The following SCAI variants were observed in gnomAD, a reference collection of about 807,000 sequenced individuals.
SCAI encodes protein SCAI.
SCAI carries 24 observed loss-of-function variants against 92.2 expected under a neutral mutation model. The observed-to-expected ratio is 0.26, with a 90% CI of 0.19 to 0.37. The LOEUF (loss-of-function observed/expected upper bound fraction) is 0.37, where lower values mean the gene tolerates loss of function less well. SCAI is among the 10% of genes least tolerant of loss of function. SCAI has a pLI of 1.00. For missense variants in SCAI, 450 were observed against 736.2 expected (o/e 0.61, Z 4.50); for synonymous variants, 261 against 258.6 (o/e 1.01, Z -0.09).
At chr9:125,057,603 G>C (rs1042823135) in intron 2 of SCAI, among the ~76,000 whole-genome samples, 9 of 152,130 alleles carry the variant, frequency 5.9e-5, no homozygotes, top group African/African-American at 2.2e-4. Context: ...CATGGTTGTC[G>C]GAATATAAGC....
intron 2 of SCAI, among the ~76,000 whole-genome samples, chr9:125,084,188 T>TTTTTTTA (rs1834278764): frequency 8.1e-6 from 1 of 123,356 alleles, no homozygotes; most frequent in Non-Finnish European, 1.7e-5. Context: ...TTTTTTTTTT[T>TTTTTTTA]GAGATGGAGT....
At chr9:124,983,366 T>A (rs964070234) in intron 14 of SCAI, among the ~76,000 whole-genome samples, 2 of 152,144 alleles carry the variant, frequency 1.3e-5, no homozygotes, top group Admixed American at 1.3e-4. Flanking sequence ...TTTATTTTTA[T>A]TTTTTGAGAT....
intron 2 of SCAI, among the ~76,000 whole-genome samples, chr9:125,106,269 A>AT (rs1377647137): frequency 6.7e-6 from 1 of 148,186 alleles, no homozygotes; most frequent in Non-Finnish European, 1.5e-5. Context: ...TAAAAGCATG[A>AT]TAAAAAAAAA....
intron 2 of SCAI, among the ~76,000 whole-genome samples, chr9:125,113,468 T>C (rs1834969732): frequency 6.6e-6 from 1 of 152,074 alleles, no homozygotes; most frequent in African/African-American, 2.4e-5. Context: ...TGACTAACTG[T>C]AATGTGGTAT....
chr9:125,022,098 A>G (rs977931666), intron 6 of SCAI, among the ~76,000 whole-genome samples: 6 of 152,164 alleles, frequency 3.9e-5, no homozygotes, highest in African/African-American at 1.4e-4. Flanking sequence ...CTCAAATCTT[A>G]TAATTTCTTG....
intron 2 of SCAI, among the ~76,000 whole-genome samples, chr9:125,131,303 G>T (rs983166167): frequency 6.6e-6 from 1 of 151,490 alleles, no homozygotes; most frequent in Admixed American, 6.6e-5. Flanking sequence ...AGCTACTTGG[G>T]AGGCTGAGGA....
rs71374219 is a variant in SCAI at position 125,032,195 on chromosome 9, A to ATTTTTT, written c.231-2462_231-2457dup. Among the ~76,000 whole-genome samples the ATTTTTT allele has an allele frequency of 1.4e-3, 136 of 99,432 alleles. 2 individuals are homozygous for ATTTTTT. The highest frequency in any genetic ancestry group is 4.1e-3 in the African/African-American group (87 of 21,004). The allele number at this position is 99,432 out of a possible 152,430, so 65.2% of individuals were successfully genotyped here. A position where few individuals can be genotyped will look rare whatever the true frequency, so the allele number is the denominator to read the frequency against. On this transcript the variant is annotated intron_variant, in intron 3 of 17. Transcript: ENST00000336505. The stretch of plus-strand genomic sequence containing the variant: ...AATATATATATATATATATATATAT[A>ATTTTTT]TTTTTTTTTTTTTTTGAGATGGAGT...
intron 17 of SCAI, among the ~76,000 whole-genome samples, chr9:124,967,860 A>G (rs1296651086): frequency 1.3e-5 from 2 of 152,232 alleles, no homozygotes; most frequent in Admixed American, 6.5e-5. Flanking sequence ...ATTGTAGCCT[A>G]CCCGTTAATG....
intron 3 of SCAI, among the ~76,000 whole-genome samples, chr9:125,055,401 A>C (rs1400384779): frequency 6.6e-6 from 1 of 152,010 alleles, no homozygotes; most frequent in Non-Finnish European, 1.5e-5. Flanking sequence ...CCCACCCCCC[A>C]CCATCACCAC....
intron 2 of SCAI, among the ~76,000 whole-genome samples, chr9:125,056,334 T>G (rs1457915526): frequency 1.3e-5 from 2 of 152,022 alleles, no homozygotes; most frequent in Non-Finnish European, 2.9e-5. Context: ...GGCGTGGTGG[T>G]GGGCACCTGT....
At chr9:125,126,743 T>C (rs1025321783) in intron 2 of SCAI, among the ~76,000 whole-genome samples, 1 of 152,186 alleles carries the variant, frequency 6.6e-6, no homozygotes, top group African/African-American at 2.4e-5. Context: ...TTCAGCTCCA[T>C]CTTTTAAAGA....
intron 2 of SCAI, among the ~76,000 whole-genome samples, chr9:125,126,007 A>G (rs1319705559): frequency 6.6e-6 from 1 of 151,922 alleles, no homozygotes; most frequent in East Asian, 1.9e-4. Context: ...TTAGCTGGAC[A>G]TTGAGCCCCT....
intron 9 of SCAI, among the ~76,000 whole-genome samples, chr9:125,005,740 G>T (rs543593432): frequency 1.3e-5 from 2 of 152,290 alleles, no homozygotes; most frequent in African/African-American, 2.4e-5. Flanking sequence ...GAACTGGTTG[G>T]TTGGTTGGAA....
intron 14 of SCAI, among the ~76,000 whole-genome samples, chr9:124,982,760 T>A (rs116985667): frequency 0.011 from 1,717 of 152,166 alleles, 86 homozygotes; most frequent in Admixed American, 0.083. Flanking sequence ...GAAATAATTT[T>A]GATAACTTTC....
intron 17 of SCAI, among the ~76,000 whole-genome samples, chr9:124,962,806 C>G (rs149227887): frequency 7.0e-6 from 1 of 143,586 alleles, no homozygotes; most frequent in Non-Finnish European, 1.5e-5. Flanking sequence ...CTTTCTTTTT[C>G]TTTTTTTTTT....
intron 13 of SCAI, among the ~76,000 whole-genome samples, chr9:124,997,161 CA>C (rs1401871503): frequency 6.6e-6 from 1 of 152,112 alleles, no homozygotes; most frequent in Non-Finnish European, 1.5e-5. Context: ...AAAAATGCTC[CA>C]AAATCCAAAA....
intron 12 of SCAI, 134 bp downstream of exon 12, chr9:125,001,831 C>T (rs1270498712): frequency 3.4e-6 from 2 of 584,888 alleles, no homozygotes; most frequent in East Asian, 2.8e-5. Context: ...TATCAATCAA[C>T]AAATAGACCA....
rs745899111 is a variant in SCAI at position 124,971,463 on chromosome 9, T to C, written c.1581A>G (p.Ala527=). 6.2e-7 allele frequency: 1 copy of C among 1,606,236 alleles called. No homozygotes were observed. Among genetic ancestry groups the C allele is most frequent in the Non-Finnish European group, 8.5e-7 (1 of 1,175,020 alleles). ...LLTHSRSIDQ[A]FLQFFGDEFL... is the part of the protein sequence containing the mutation. ...ATTCATCTCCAAAAAACTGGAGAAA[T>C]GCCTGATCTGCAAAGAGGAGAAAAG... Residue 527 remains alanine, a synonymous_variant, in exon 17 of 18, where the codon GCA becomes GCG. Coordinates refer to ENST00000336505, the MANE Select transcript of SCAI (RefSeq NM_001144877.3).
intron 2 of SCAI, among the ~76,000 whole-genome samples, chr9:125,061,146 A>C (rs1833760732): frequency 6.6e-6 from 1 of 152,120 alleles, no homozygotes; most frequent in Non-Finnish European, 1.5e-5. Context: ...AAATACAAAA[A>C]ATTAGCTGGG....
Sources: allele counts gnomAD v4.1 joint callset (sites outside exome capture counted in the v4.1 genomes callset), GRCh38; gene constraint gnomAD v4.1.1; transcripts MANE v1.5; gene names NCBI Gene and HGNC (gene_info 2026-07-23, HGNC 2026-07-21).